Variants in SNX12 observed in about 807,000 individuals in gnomAD.
The protein encoded by SNX12 is sorting nexin-12.
For missense variants in SNX12, 62 were observed against 141.3 expected, an observed-to-expected ratio of 0.44 and a Z score of 2.84; for synonymous variants, 47 against 56.0, an observed-to-expected ratio of 0.84 and a Z score of 0.71.
At chrX:71,071,573 T>A (rs371024790), upstream of SNX12, among the ~76,000 whole-genome samples, 1,795 of 28,814 alleles carry the variant, frequency 0.062, 107 homozygotes, top group Admixed American at 0.21. Context: ...ATTTATATAT[T>A]ATATATATAA....
chrX:71,063,085 C>T (rs768134269), intron 1 of SNX12, 136 bp from the exon 2 acceptor site: 1 of 457,248 alleles, frequency 2.2e-6, no homozygotes, highest in South Asian at 3.1e-5. Context: ...TTCAAATCAC[C>T]ACCAGGTAAA....
rs563368678 is a variant in SNX12 at position 71,059,780 on chromosome X, C to A, written c.*1236G>T. The A allele has an allele frequency of 9.0e-6, 1 of 111,387 alleles. No individual in the cohort carries two copies. Among genetic ancestry groups the A allele is most frequent in the African/African-American group, 3.3e-5 (1 of 30,590 alleles). 9.2% of individuals were successfully genotyped at this position (111,387 alleles called of 1,213,427 possible). On this transcript the variant is annotated 3_prime_UTR_variant, in exon 4 of 4. Transcript: ENST00000374274. ...AGACGTTGGGCCCCAGCAAACAAAC[C>A]ACCCCCTCCAAGACAGAAACCAGGA... is the stretch of plus-strand genomic sequence containing the variant.
chrX:71,070,391 C>T (rs1043696913), upstream of SNX12, among the ~76,000 whole-genome samples: 1 of 111,694 alleles, frequency 9.0e-6, no homozygotes. Context: ...AAAATAGATA[C>T]GACTTGTACG....
intron 3 of SNX12, 145 bp from the exon 4 acceptor site, chrX:71,061,263 C>G (rs2092130205): frequency 4.3e-6 from 2 of 470,394 alleles, no homozygotes; most frequent in Non-Finnish European, 7.4e-6. Flanking sequence ...CCACCTCAAC[C>G]CTAATATTGT....
intron 3 of SNX12, among the ~76,000 whole-genome samples, chrX:71,061,602 C>T (rs1386333275): frequency 9.0e-6 from 1 of 111,134 alleles, no homozygotes; most frequent in Admixed American, 9.6e-5. Context: ...GCATGGTGGC[C>T]GGCGCCTGTA....
rs1209587990 is a variant in SNX12, at chrX:71,059,313, T to G, written c.*1703A>C. The G allele has an allele frequency of 8.9e-6, 1 of 112,062 alleles. No individual in the cohort carries two copies. Among genetic ancestry groups the G allele is most frequent in the East Asian group, 2.8e-4 (1 of 3,595 alleles). The allele number at this position is 112,062 out of a possible 1,213,427, so 9.2% of individuals were successfully genotyped here. On this transcript the variant is annotated 3_prime_UTR_variant, in exon 4 of 4. Transcript: ENST00000374274. ...ATTGTCTGACAGAAGAATGAACAGTTTGCTGAATAAAAGCCCCGAGTCAGG... is the reference window on the plus strand; with the variant it reads ...ATTGTCTGACAGAAGAATGAACAGTGTGCTGAATAAAAGCCCCGAGTCAGG...
upstream of SNX12, among the ~76,000 whole-genome samples, chrX:71,070,642 G>A (rs1027284831): frequency 9.0e-5 from 10 of 111,680 alleles, no homozygotes. Context: ...GCGAGGTCAG[G>A]GTTAGAGAGA....
chrX:71,063,275 T>A lies in SNX12; in HGVS notation c.166-326A>T, dbSNP rs764889760. On this transcript the variant is annotated intron_variant, in intron 1 of 3. Transcript: ENST00000374274. The stretch of plus-strand genomic sequence containing the variant: ...ACTTTTGGAGGCCAAGGCAGGCAGA[T>A]CACTTGAGGTCAAGAGTTCAAGACC... Among the ~76,000 whole-genome samples the A allele has an allele frequency of 3.6e-5, 4 of 110,771 alleles. No homozygotes were observed. The South Asian group carries it at 1.5e-3, about 42-fold the overall frequency.
At chrX:71,072,223 A>G (rs1391029799), upstream of SNX12, among the ~76,000 whole-genome samples, 2 of 106,334 alleles carry the variant, frequency 1.9e-5, no homozygotes, top group South Asian at 4.3e-4. Context: ...GAGCCACTGC[A>G]CTCCAGCCAG....
chrX:71,071,590 A>AATATTTATATATATTATATATAAATAT (rs2092173058), upstream of SNX12, among the ~76,000 whole-genome samples: 1 of 49,170 alleles, frequency 2.0e-5, no homozygotes, highest in Non-Finnish European at 2.9e-5. Flanking sequence ...ATAAATATAT[A>AATATTTATATATATTATATATAAATAT]ATATTTATAT....
chrX:71,071,412 AAAT>A (rs1172455159), upstream of SNX12, among the ~76,000 whole-genome samples: 3 of 88,804 alleles, frequency 3.4e-5, no homozygotes, highest in Admixed American at 3.1e-4. Context: ...TGTAATATAT[AAAT>A]AATATAAACA....
chrX:71,068,076 T>A, intron 1 of SNX12, 66 bp downstream of exon 1: 1 of 868,603 alleles, frequency 1.2e-6, no homozygotes, highest in Non-Finnish European at 1.5e-6. Context: ...CGCGGTAGCC[T>A]CCCTCCCCCC....
chrX:71,061,460 C>T (rs1180595975), intron 3 of SNX12, among the ~76,000 whole-genome samples: 2 of 112,405 alleles, frequency 1.8e-5, no homozygotes, highest in East Asian at 2.8e-4. Flanking sequence ...GAGCTGGGTG[C>T]GGTGGCTCAC....
At chrX:71,062,811 G>A in intron 2 of SNX12, 43 bp downstream of exon 2, 2 of 944,481 alleles carry the variant, frequency 2.1e-6, no homozygotes, top group Non-Finnish European at 3.0e-6. Flanking sequence ...AGCCTATGCA[G>A]AGCTCCTCCT....
At chrX:71,065,176 C>A (rs1461606858) in intron 1 of SNX12, among the ~76,000 whole-genome samples, 5 of 109,001 alleles carry the variant, frequency 4.6e-5, no homozygotes, top group African/African-American at 6.7e-5. Context: ...TCGAGACCAG[C>A]CTGGCCAACA....
upstream of SNX12, chrX:71,068,437 CCACGCACGCA>C: frequency 2.0e-6 from 1 of 506,366 alleles, no homozygotes; most frequent in South Asian, 4.1e-5. Flanking sequence ...GCACGCGCGC[CCACGCACGCA>C]CGCGCACGCC....
chrX:71,067,503 C>A (rs1250854480), intron 1 of SNX12, among the ~76,000 whole-genome samples: 1 of 112,060 alleles, frequency 8.9e-6, no homozygotes, highest in African/African-American at 3.2e-5. Context: ...GTAGTATCTG[C>A]GAAAACTTAA....
chrX:71,069,966 AAAAG>A (rs774851589), upstream of SNX12, among the ~76,000 whole-genome samples: 3 of 84,306 alleles, frequency 3.6e-5, no homozygotes, highest in South Asian at 1.4e-3. Flanking sequence ...AAAGGAAAAG[AAAAG>A]AGAGAGAGAG....
intron 3 of SNX12, 133 bp from the exon 4 acceptor site, chrX:71,061,251 T>C (rs1446106351): frequency 1.0e-5 from 5 of 492,998 alleles, no homozygotes; most frequent in Non-Finnish European, 1.8e-5. Context: ...AGCAGTAGGG[T>C]ACCACCTCAA....
Sources: allele counts gnomAD v4.1 joint callset (sites outside exome capture counted in the v4.1 genomes callset), GRCh38; gene constraint gnomAD v4.1.1; transcripts MANE v1.5; gene names NCBI Gene and HGNC (gene_info 2026-07-23, HGNC 2026-07-21).